Variants in GLRA3 observed in about 807,000 individuals in gnomAD.
The protein encoded by GLRA3 is glycine receptor alpha 3.
GLRA3 carries 44 observed loss-of-function variants against 60.4 expected under a neutral mutation model. The observed-to-expected ratio is 0.73, with a 90% CI of 0.57 to 0.94. The LOEUF (loss-of-function observed/expected upper bound fraction) is 0.94. Among genes scored for constraint, GLRA3 ranks in the 40% least tolerant of loss-of-function variants. The pLI is 0.00. For synonymous variants in GLRA3, 223 were observed against 192.9 expected (o/e 1.16, Z -1.29); for missense variants, 508 against 564.6 (o/e 0.90, Z 1.02).
At chr4:174,742,090 A>T (rs374448867) in intron 3 of GLRA3, among the ~76,000 whole-genome samples, 17 of 152,180 alleles carry the variant, frequency 1.1e-4, no homozygotes, top group East Asian at 5.8e-4. Context: ...ACAATATATC[A>T]CAGCAATTTT....
chr4:174,750,067 A>G (rs1346208173), intron 3 of GLRA3, among the ~76,000 whole-genome samples: 1 of 149,850 alleles, frequency 6.7e-6, no homozygotes, highest in Non-Finnish European at 1.5e-5. Flanking sequence ...GCCCTCATGG[A>G]GTAGATCTCT....
chr4:174,817,188 C>T (rs73868098), intron 1 of GLRA3, among the ~76,000 whole-genome samples: 1 of 152,144 alleles, frequency 6.6e-6, no homozygotes, highest in Admixed American at 6.5e-5. Context: ...AGGAAAACTG[C>T]AAAATCTTTA....
Position 174,677,091 on chromosome 4 carries a change from G to A in GLRA3, c.914C>T (p.Ala305Val), listed in dbSNP as rs1734151740. The A allele has an allele frequency of 1.2e-6, 2 of 1,606,808 alleles. No individual in the cohort carries two copies. The highest frequency in any genetic ancestry group is 8.5e-7 in the Non-Finnish European group (1 of 1,173,558). Residue 305 changes from alanine (A) to valine (V), a missense_variant, in exon 7 of 10, where the codon GCT becomes GTT. Ala to Val is a moderately conservative substitution (Grantham distance 64). This residue lies in a region of GLRA3 where 176 missense variants were observed against 197.9 expected (regional missense o/e 0.89). Coordinates refer to ENST00000274093, the MANE Select transcript of GLRA3 (RefSeq NM_006529.4). ...TMTTQSSGSRASLPKVSYVKA... is the reference protein window; with the variant it reads ...TMTTQSSGSRVSLPKVSYVKA... ...CAGTGCACTTACTTTTGGCAAGGAA[G>A]CTCGTGATCCTGAACTCTGTGTAGT...
chr4:174,701,688 A>C (rs900948870), intron 5 of GLRA3, among the ~76,000 whole-genome samples: 1 of 152,204 alleles, frequency 6.6e-6, no homozygotes, highest in Admixed American at 6.5e-5. Flanking sequence ...TTCGGGGAGG[A>C]AGTTGTAATA....
chr4:174,781,793 T>C (rs1039287995), intron 2 of GLRA3, among the ~76,000 whole-genome samples: 9 of 151,928 alleles, frequency 5.9e-5, no homozygotes, highest in African/African-American at 2.2e-4. Context: ...AATAGACCAA[T>C]AACATGCTCT....
At chr4:174,763,864 T>C (rs1026643952) in intron 3 of GLRA3, among the ~76,000 whole-genome samples, 21 of 152,292 alleles carry the variant, frequency 1.4e-4, no homozygotes, top group African/African-American at 4.8e-4. Context: ...TAAATCATTA[T>C]CTGTTTAAGA....
intron 2 of GLRA3, among the ~76,000 whole-genome samples, chr4:174,775,042 A>C (rs1305404173): frequency 2.0e-5 from 3 of 152,208 alleles, no homozygotes; most frequent in African/African-American, 7.2e-5. Context: ...TAATTAATTA[A>C]AAACAAAAAG....
chr4:174,785,754 A>G (rs1446926177), intron 2 of GLRA3, among the ~76,000 whole-genome samples: 1 of 152,038 alleles, frequency 6.6e-6, no homozygotes, highest in Non-Finnish European at 1.5e-5. Context: ...ATATTTTTAC[A>G]TATATCACAA....
intron 1 of GLRA3, among the ~76,000 whole-genome samples, chr4:174,791,792 T>C (rs1216672164): frequency 6.6e-6 from 1 of 152,200 alleles, no homozygotes; most frequent in Non-Finnish European, 1.5e-5. Flanking sequence ...AAACTGGACA[T>C]TTTAAGTAAT....
chr4:174,741,576 G>T (rs1429338448), intron 3 of GLRA3, among the ~76,000 whole-genome samples: 1 of 149,264 alleles, frequency 6.7e-6, no homozygotes, highest in Non-Finnish European at 1.5e-5. Context: ...AAATAAAGGT[G>T]TTTAATTATG....
At chr4:174,775,777 T>C (rs1355867246) in intron 2 of GLRA3, among the ~76,000 whole-genome samples, 4 of 152,190 alleles carry the variant, frequency 2.6e-5, no homozygotes, top group Admixed American at 2.6e-4. Context: ...ACCTTGAAGC[T>C]TCTATTTCAA....
intron 5 of GLRA3, 131 bp from the exon 6 acceptor site, chr4:174,683,070 G>A (rs1734416741): frequency 1.5e-6 from 1 of 654,866 alleles, no homozygotes; most frequent in South Asian, 2.0e-5. Flanking sequence ...TGTGGATGGA[G>A]CTATTCATTG....
rs75909030 is a variant in GLRA3 at position 174,639,451 on chromosome 4, T to G, written c.*4335A>C. On this transcript the variant is annotated 3_prime_UTR_variant, in exon 10 of 10. Coordinates refer to ENST00000274093, the MANE Select transcript of GLRA3 (RefSeq NM_006529.4). ...GAGGGAAAGGGAAGAGATGAAGGCA[T>G]TATTAAGATGTAAAATGTAGACCAA... 6.6e-6 allele frequency: 1 copy of G among 151,332 alleles called. No individual in the cohort carries two copies. Among genetic ancestry groups the G allele is most frequent in the African/African-American group, 2.4e-5 (1 of 41,244 alleles). 9.4% of individuals were successfully genotyped at this position (151,332 alleles called of 1,614,324 possible).
At chr4:174,750,141 T>A (rs1561094398) in intron 3 of GLRA3, among the ~76,000 whole-genome samples, 1 of 152,118 alleles carries the variant, frequency 6.6e-6, no homozygotes. Flanking sequence ...CCTAAGGAAG[T>A]GCTAGATTTT....
At chr4:174,820,300 C>T (rs751105380) in intron 1 of GLRA3, among the ~76,000 whole-genome samples, 11 of 152,078 alleles carry the variant, frequency 7.2e-5, no homozygotes, top group Admixed American at 2.0e-4. Context: ...ATGTTAGAAG[C>T]GCAGAATGAT....
At chr4:174,781,713 A>G (rs2111280632) in intron 2 of GLRA3, among the ~76,000 whole-genome samples, 1 of 150,628 alleles carries the variant, frequency 6.6e-6, no homozygotes, top group Admixed American at 6.6e-5. Flanking sequence ...TAGAAAATCT[A>G]GAAGAAATGG....
chr4:174,812,448 A>G (rs142399362), intron 1 of GLRA3, among the ~76,000 whole-genome samples: 1 of 152,274 alleles, frequency 6.6e-6, no homozygotes, highest in East Asian at 1.9e-4. Context: ...AAGGCATTCT[A>G]TCTTAAGTAT....
rs756889295 is a variant in GLRA3 at position 174,766,948 on chromosome 4, A to G, written c.267+15T>C. Reference sequence around the variant, plus strand: ...TTACTCTAGTGTGAAACTTGTTGCAAAGTAAAATGCCTACCATGGTCGTCT... The same window carrying G: ...TTACTCTAGTGTGAAACTTGTTGCAGAGTAAAATGCCTACCATGGTCGTCT... On this transcript the variant is annotated intron_variant, in intron 3 of 9. Transcript: ENST00000274093. 6.8e-7 allele frequency: 1 copy of G among 1,463,004 alleles called. No homozygotes were observed. Among genetic ancestry groups the G allele is most frequent in the Admixed American group, 1.7e-5 (1 of 57,660 alleles). 90.6% of individuals were successfully genotyped at this position (1,463,004 alleles called of 1,614,324 possible). A position where few individuals can be genotyped will look rare whatever the true frequency, so the allele number is the denominator to read the frequency against.
intron 1 of GLRA3, among the ~76,000 whole-genome samples, chr4:174,815,288 C>A (rs1447587645): frequency 6.6e-6 from 1 of 152,168 alleles, no homozygotes; most frequent in African/African-American, 2.4e-5. Flanking sequence ...AGCCCCACTC[C>A]TGGCTGTTTT....
Sources: gnomAD v4.1 joint callset for allele counts (sites outside exome capture counted in the v4.1 genomes callset) on GRCh38, gnomAD v4.1.1 for gene constraint, gnomAD v4.1.1 regional missense constraint, MANE v1.5 for transcripts, NCBI Gene and HGNC (gene_info 2026-07-23, HGNC 2026-07-21) for gene names.